ACTR1B: variants seen among roughly 807,000 people sequenced by gnomAD.
The protein encoded by ACTR1B is actin related protein 1B, also known as beta-centractin.
ACTR1B carries 34 observed loss-of-function variants against 49.4 expected under a neutral mutation model. That is an observed-to-expected ratio of 0.69 (90% CI 0.52 to 0.92). ACTR1B has a LOEUF of 0.92. Ranked by LOEUF, ACTR1B falls within the 40% of genes least tolerant of loss-of-function variation. The pLI is 0.00. For missense variants in ACTR1B, 471 were observed against 522.4 expected (o/e 0.90, Z 0.96); for synonymous variants, 207 against 207.8 (o/e 1.00, Z 0.03).
chr2:97,659,381 T>G lies in ACTR1B; in HGVS notation c.286A>C (p.Lys96Gln). The G allele has an allele frequency of 6.2e-7, 1 of 1,613,966 alleles. No homozygotes were observed. Among genetic ancestry groups the G allele is most frequent in the South Asian group, 1.1e-5 (1 of 91,066 alleles). Residue 96 changes from lysine (K) to glutamine (Q), a missense_variant, in exon 4 of 11, where the codon AAG becomes CAG. Physicochemically the swap from Lys to Gln is moderately conservative, Grantham distance 53 (BLOSUM62 1). Coordinates refer to ENST00000289228, the MANE Select transcript of ACTR1B (RefSeq NM_005735.4). The surrounding 1 kb of genome is among the most constrained non-coding windows in gnomAD (Gnocchi z 4.0). ...TCCGAGAAGGTCTGCAGCTGATCCTTGGAGTAGACGTACTGCCAGATGCGT... is the reference window on the plus strand; with the variant it reads ...TCCGAGAAGGTCTGCAGCTGATCCTGGGAGTAGACGTACTGCCAGATGCGT... ...MERIWQYVYSKDQLQTFSEEH... is the reference protein window; with the variant it reads ...MERIWQYVYSQDQLQTFSEEH...
At chr2:97,663,674 A>G (rs1390437840) in intron 1 of ACTR1B, among the ~76,000 whole-genome samples, 169 bp downstream of exon 1, 3 of 151,568 alleles carry the variant, frequency 2.0e-5, no homozygotes, top group African/African-American at 7.3e-5. Flanking sequence ...GGCCGGCCTT[A>G]CAAGGCCAAG....
At chr2:97,662,158 GGA>G (rs1675029237) in intron 1 of ACTR1B, among the ~76,000 whole-genome samples, 1 of 152,164 alleles carries the variant, frequency 6.6e-6, no homozygotes, top group Non-Finnish European at 1.5e-5. Flanking sequence ...TGGCAGCTGG[GGA>G]GAGGGGACAT....
intron 9 of ACTR1B, 79 bp downstream of exon 9, chr2:97,657,369 G>C: frequency 6.5e-7 from 1 of 1,533,114 alleles, no homozygotes. Context: ...GAGCGGGTCT[G>C]GGGGCAGCAT....
At chr2:97,661,099 G>A (rs1297985092) in intron 2 of ACTR1B, among the ~76,000 whole-genome samples, 2 of 152,238 alleles carry the variant, frequency 1.3e-5, no homozygotes, top group African/African-American at 2.4e-5. Flanking sequence ...AGCGCTTCTG[G>A]ATCAGAGATT....
rs749997275 is a variant in ACTR1B at position 97,658,833 on chromosome 2, ACAGGGAGGACAGGACT to A, written c.440+30_440+45del. 6.2e-7 allele frequency: 1 copy of A among 1,613,198 alleles called. No homozygotes were observed. The highest frequency in any genetic ancestry group is 1.7e-5 in the Admixed American group (1 of 60,006). On this transcript the variant is annotated intron_variant, in intron 5 of 10. Coordinates refer to ENST00000289228, the MANE Select transcript of ACTR1B (RefSeq NM_005735.4). This position sits in a 1 kb window ranked among gnomAD's most constrained non-coding sequence, Gnocchi z 5.9. ...CCCTGGTCATGGCAAGCAGGACGGC[ACAGGGAGGACAGGACT>A]CAGGGAGGCCAGGCTTAGGGAGCAC...
At chr2:97,657,574 C>T in intron 8 of ACTR1B, 65 bp from the exon 9 acceptor site, 1 of 1,544,822 alleles carries the variant, frequency 6.5e-7, no homozygotes, top group South Asian at 1.1e-5. Flanking sequence ...AGCTCCCGCA[C>T]CCAGCCTTCA....
In ACTR1B at chr2:97,656,728, T is replaced by C; in HGVS notation, c.*130A>G. 1 of 716,710 alleles carries C rather than the reference T, an allele frequency of 1.4e-6. No individual in the cohort carries two copies. Among genetic ancestry groups the C allele is most frequent in the Non-Finnish European group, 2.4e-6 (1 of 413,578 alleles). 44.4% of individuals were successfully genotyped at this position (716,710 alleles called of 1,614,324 possible). A position where few individuals can be genotyped will look rare whatever the true frequency, so the allele number is the denominator to read the frequency against. On this transcript the variant is annotated 3_prime_UTR_variant, in exon 11 of 11. Transcript: ENST00000289228. Reference sequence around the variant, plus strand: ...GGAAGGCTGCAGGGGGGCACTGCTGTGCCACCCACCCAGGGGTTCAGGGCA... The same window carrying C: ...GGAAGGCTGCAGGGGGGCACTGCTGCGCCACCCACCCAGGGGTTCAGGGCA...
In ACTR1B at chr2:97,658,072, C is replaced by A; in HGVS notation, c.796G>T (p.Asp266Tyr). The A allele has an allele frequency of 6.2e-7, 1 of 1,614,152 alleles. No homozygotes were observed. The highest frequency in any genetic ancestry group is 1.3e-5 in the African/African-American group (1 of 75,068). The change falls in exon 8 of 11, where the codon GAC becomes TAC. Residue 266 changes from aspartate (D) to tyrosine (Y), a missense_variant. Transcript: ENST00000289228. This position sits in a 1 kb window ranked among gnomAD's most constrained non-coding sequence, Gnocchi z 5.9. ...CCCTCACTCTCATCCCCGACAAGGT[C>A]CGGCTGGAACAGCAGCTCGGGGGCC... ...FRAPELLFQP[D>Y]LVGDESEGLH...
chr2:97,656,881 C>T lies in ACTR1B; in HGVS notation c.1108G>A (p.Ala370Thr). ...CACTAGAAAGTTTTGCGATGAATAG[C>T]ACGGGAGCCATCCTCTTCATACTCC... Reference protein sequence around the residue: ...KKEYEEDGSRAIHRKTF With the variant: ...KKEYEEDGSRTIHRKTF Residue 370 changes from alanine to threonine, a missense_variant, in exon 11 of 11, where the codon GCT becomes ACT. Physicochemically the swap from Ala to Thr is moderately conservative, Grantham distance 58. Coordinates refer to ENST00000289228, the MANE Select transcript of ACTR1B (RefSeq NM_005735.4). The T allele has an allele frequency of 6.3e-7, 1 of 1,588,478 alleles. No individual in the cohort carries two copies. The highest frequency in any genetic ancestry group is 8.6e-7 in the Non-Finnish European group (1 of 1,167,172).
rs1337227206 is a variant in ACTR1B at position 97,656,833 on chromosome 2, C to A, written c.*25G>T. On this transcript the variant is annotated 3_prime_UTR_variant, in exon 11 of 11. Coordinates refer to ENST00000289228, the MANE Select transcript of ACTR1B (RefSeq NM_005735.4). ...CTGTCTCCCCTCCCTCCCCCTCTCCCAACATGCCCCGCCCTCCTTGGGCAC... is the reference window on the plus strand; with the variant it reads ...CTGTCTCCCCTCCCTCCCCCTCTCCAAACATGCCCCGCCCTCCTTGGGCAC... 1.9e-6 allele frequency: 3 copies of A among 1,551,644 alleles called. No individual in the cohort carries two copies. The highest frequency in any genetic ancestry group is 2.6e-6 in the Non-Finnish European group (3 of 1,142,676).
In ACTR1B at chr2:97,659,906, C is replaced by T. The variant is rs888530240; in HGVS notation, c.190-429G>A. 2 of 241,798 alleles carry T rather than the reference C, an allele frequency of 8.3e-6. No homozygotes were observed. The highest frequency in any genetic ancestry group is 1.1e-4 in the East Asian group (1 of 8,976). The allele number at this position is 241,798 out of a possible 1,614,324, so 15.0% of individuals were successfully genotyped here. A position where few individuals can be genotyped will look rare whatever the true frequency, so the allele number is the denominator to read the frequency against. ...ACGCCTCTCCCCCCAGCCCTTTGGC[C>T]GGTCCTCACCAGTCCCCTGTTTGCA... On this transcript the variant is annotated intron_variant, in intron 3 of 10. Transcript: ENST00000289228. The surrounding 1 kb of genome is among the most constrained non-coding windows in gnomAD (Gnocchi z 4.0).
chr2:97,661,625 T>C (rs1675012525), intron 2 of ACTR1B, among the ~76,000 whole-genome samples: 1 of 152,040 alleles, frequency 6.6e-6, no homozygotes, highest in Non-Finnish European at 1.5e-5. Flanking sequence ...CCACACCCCA[T>C]CCCCAGGGAA....
chr2:97,660,218 C>T (rs1309645703), intron 3 of ACTR1B, among the ~76,000 whole-genome samples: 13 of 152,368 alleles, frequency 8.5e-5, no homozygotes, highest in African/African-American at 3.1e-4. Flanking sequence ...CTGATCAGGC[C>T]ATGCAGCCCC....
At position 97,656,295 on chromosome 2, in the gene ACTR1B, C is replaced by A; in HGVS notation, c.*563G>T. On this transcript the variant is annotated 3_prime_UTR_variant, in exon 11 of 11. Transcript: ENST00000289228. ...CATCCTCTGCCCTGGCTCTGAAGGGCCTGACCCTGGGCTGCACCCCCTTGC... is the reference window on the plus strand; with the variant it reads ...CATCCTCTGCCCTGGCTCTGAAGGGACTGACCCTGGGCTGCACCCCCTTGC... 6.4e-6 allele frequency: 1 copy of A among 156,924 alleles called. No homozygotes were observed. The highest frequency in any genetic ancestry group is 6.2e-5 in the Admixed American group (1 of 16,024). 9.7% of individuals were successfully genotyped at this position (156,924 alleles called of 1,614,324 possible). A position where few individuals can be genotyped will look rare whatever the true frequency, so the allele number is the denominator to read the frequency against.
rs1048444757 is a variant in ACTR1B at position 97,658,742 on chromosome 2, A to C, written c.441-99T>G. 8.9e-6 allele frequency: 14 copies of C among 1,580,602 alleles called. No individual in the cohort carries two copies. In the African/African-American group the frequency reaches 1.9e-4, roughly 21 times the overall value. On this transcript the variant is annotated intron_variant, in intron 5 of 10. Coordinates refer to ENST00000289228, the MANE Select transcript of ACTR1B (RefSeq NM_005735.4). This position sits in a 1 kb window ranked among gnomAD's most constrained non-coding sequence, Gnocchi z 5.9. ...GGCACATCTGCATTATCTAGTCTGA[A>C]GAGAGGACACGAGGGACTCCCTAGA...
intron 1 of ACTR1B, among the ~76,000 whole-genome samples, chr2:97,662,931 T>C (rs1386855435): frequency 6.6e-6 from 1 of 152,106 alleles, no homozygotes. Context: ...GGAACCCACA[T>C]GGGTACTCTA....
At position 97,659,224 on chromosome 2, in the gene ACTR1B, A is replaced by G. The variant is rs1439779019; in HGVS notation, c.315+128T>C. 1.4e-6 allele frequency: 2 copies of G among 1,479,946 alleles called. No individual in the cohort carries two copies. Among genetic ancestry groups the G allele is most frequent in the African/African-American group, 2.8e-5 (2 of 72,340 alleles). The allele number at this position is 1,479,946 out of a possible 1,614,324, so 91.7% of individuals were successfully genotyped here. A position where few individuals can be genotyped will look rare whatever the true frequency, so the allele number is the denominator to read the frequency against. On this transcript the variant is annotated intron_variant, in intron 4 of 10. Transcript: ENST00000289228. This position sits in a 1 kb window ranked among gnomAD's most constrained non-coding sequence, Gnocchi z 4.0. Reference sequence around the variant, plus strand: ...ACTGGGTACGTATGCGCACCCAGACACACACGGAAAGGCAGCAGGCCCTCT... The same window carrying G: ...ACTGGGTACGTATGCGCACCCAGACGCACACGGAAAGGCAGCAGGCCCTCT...
intron 1 of ACTR1B, among the ~76,000 whole-genome samples, chr2:97,662,614 G>A (rs1168550993): frequency 6.6e-6 from 1 of 151,908 alleles, no homozygotes; most frequent in Non-Finnish European, 1.5e-5. Context: ...CCAAAGAACG[G>A]GGCAATTAGA....
intron 2 of ACTR1B, among the ~76,000 whole-genome samples, chr2:97,660,968 C>T (rs1361099454): frequency 1.3e-5 from 2 of 152,336 alleles, no homozygotes; most frequent in Non-Finnish European, 2.9e-5. Context: ...ACGCTCCTGA[C>T]TTCGGTGGGG....
Sources: allele counts gnomAD v4.1 joint callset (sites outside exome capture counted in the v4.1 genomes callset), GRCh38; gene constraint gnomAD v4.1.1; non-coding constraint Gnocchi (gnomAD v3.1); transcripts MANE v1.5; gene names NCBI Gene and HGNC (gene_info 2026-07-23, HGNC 2026-07-21).